GFRA2: variants seen among roughly 807,000 people sequenced by gnomAD.
GFRA2 encodes the protein GDNF family receptor alpha 2, also known as GDNF family receptor alpha-2.
In GFRA2, 17 loss-of-function variants were observed where a neutral mutation model predicts 48.3. The observed-to-expected ratio is 0.35, with a 90% CI of 0.24 to 0.53. The LOEUF (loss-of-function observed/expected upper bound fraction) is 0.53, where lower values mean the gene tolerates loss of function less well. Among genes scored for constraint, GFRA2 ranks in the 20% least tolerant of loss-of-function variants. GFRA2 has a pLI of 0.93. For synonymous variants in GFRA2, 305 were observed against 257.2 expected, an observed-to-expected ratio of 1.19 and a Z score of -1.78; for missense variants, 660 against 637.3, an observed-to-expected ratio of 1.04 and a Z score of -0.38.
At chr8:21,724,715 A>C (rs1362423842) in intron 4 of GFRA2, among the ~76,000 whole-genome samples, 1 of 152,180 alleles carries the variant, frequency 6.6e-6, no homozygotes, top group Non-Finnish European at 1.5e-5. Flanking sequence ...TAGAAACAAC[A>C]TAAAGGAGAC....
At chr8:21,749,454 T>C (rs1805168505) in intron 4 of GFRA2, among the ~76,000 whole-genome samples, 1 of 151,446 alleles carries the variant, frequency 6.6e-6, no homozygotes, top group South Asian at 2.1e-4. Context: ...AGCTAATGAG[T>C]GGTAAAGACA....
intron 3 of GFRA2, among the ~76,000 whole-genome samples, chr8:21,764,421 G>A (rs776745870): frequency 1.3e-5 from 2 of 152,216 alleles, no homozygotes; most frequent in African/African-American, 2.4e-5. Context: ...TTGCCTTGGG[G>A]CTTAGGATTT....
At chr8:21,811,094 A>T (rs1019880179) in intron 1 of GFRA2, among the ~76,000 whole-genome samples, 1 of 152,120 alleles carries the variant, frequency 6.6e-6, no homozygotes, top group Non-Finnish European at 1.5e-5. Flanking sequence ...CCCAGGAGAG[A>T]AGGGGAGCAG....
At chr8:21,783,600 G>A (rs1490005924) in intron 1 of GFRA2, among the ~76,000 whole-genome samples, 7 of 151,936 alleles carry the variant, frequency 4.6e-5, no homozygotes, top group African/African-American at 1.2e-4. Context: ...CCGTCCAGGC[G>A]AGCCCAGGAA....
At chr8:21,726,580 C>T (rs1432356610) in intron 4 of GFRA2, among the ~76,000 whole-genome samples, 1 of 152,066 alleles carries the variant, frequency 6.6e-6, no homozygotes, top group Non-Finnish European at 1.5e-5. Context: ...TGGTGGCGCC[C>T]GGCATCCGTT....
intron 3 of GFRA2, among the ~76,000 whole-genome samples, chr8:21,754,756 G>A (rs7829604): frequency 0.29 from 44,667 of 151,876 alleles, 6,685 homozygotes; most frequent in Middle Eastern, 0.49. Flanking sequence ...TGATCCGCCC[G>A]CCTCGGCCTC....
chr8:21,690,551 A>T lies in GFRA2; in HGVS notation c.*2727T>A, dbSNP rs1332989847. ...ATAGGGAGACATTTGAGGGCAGAGT[A>T]AAGCTAGCTAGTATCCACTCCTCCT... is the stretch of plus-strand genomic sequence containing the variant. On this transcript the variant is annotated 3_prime_UTR_variant, in exon 9 of 9. Coordinates refer to ENST00000524240, the MANE Select transcript of GFRA2 (RefSeq NM_001495.5). The T allele has an allele frequency of 6.6e-6, 1 of 152,238 alleles. No individual in the cohort carries two copies. 9.4% of individuals were successfully genotyped at this position (152,238 alleles called of 1,614,324 possible). A position where few individuals can be genotyped will look rare whatever the true frequency, so the allele number is the denominator to read the frequency against.
At position 21,737,051 on chromosome 8, in the gene GFRA2, A is replaced by C. The variant is rs563317462; in HGVS notation, c.794+13537T>G. Reference sequence around the variant, plus strand: ...GGACCTAAAAGAGCCCCCTTCCCCAATACTCCTCTGATGCTGGCAAGGGGG... The same window carrying C: ...GGACCTAAAAGAGCCCCCTTCCCCACTACTCCTCTGATGCTGGCAAGGGGG... On this transcript the variant is annotated intron_variant, in intron 4 of 8. Transcript: ENST00000524240. Among the ~76,000 whole-genome samples, 20 of 152,104 alleles carry C rather than the reference A, an allele frequency of 1.3e-4. No homozygotes were observed. The East Asian group carries it at 3.5e-3, about 27-fold the overall frequency.
Position 21,705,070 on chromosome 8 carries a change from G to T in GFRA2, c.960C>A (p.Ser320=), listed in dbSNP as rs749727756. The change falls in exon 6 of 9, where the codon TCC becomes TCA. Residue 320 remains serine (S), a synonymous_variant. Transcript: ENST00000524240. ...VDSSPTGIVV[S]PWCSCRGSGN... ...CGCTGCCACGACAGCTGCACCAGGG[G>T]GACACCACGATGCCAGTGGGGCTGG... 6.2e-7 allele frequency: 1 copy of T among 1,611,020 alleles called. No individual in the cohort carries two copies. Among genetic ancestry groups the T allele is most frequent in the Non-Finnish European group, 8.5e-7 (1 of 1,179,012 alleles).
rs1345524919 is a variant in GFRA2, at chr8:21,726,689, T to A, written c.795-20648A>T. ...CCTGTCTTATAAGGACACTGGCCACTGGATTTAGGGCCCACCCTAATGTGG... is the reference window on the plus strand; with the variant it reads ...CCTGTCTTATAAGGACACTGGCCACAGGATTTAGGGCCCACCCTAATGTGG... On this transcript the variant is annotated intron_variant, in intron 4 of 8. Transcript: ENST00000524240. Among the ~76,000 whole-genome samples the A allele has an allele frequency of 2.0e-5, 3 of 152,110 alleles. 1 individual carries two copies. The highest frequency in any genetic ancestry group is 4.4e-5 in the Non-Finnish European group (3 of 68,032).
chr8:21,762,852 C>T (rs546777496), intron 3 of GFRA2, among the ~76,000 whole-genome samples: 6 of 152,134 alleles, frequency 3.9e-5, no homozygotes, highest in African/African-American at 1.4e-4. Flanking sequence ...TTACCATTCT[C>T]ATACAAAATT....
At chr8:21,745,468 G>A (rs962341041) in intron 4 of GFRA2, among the ~76,000 whole-genome samples, 16 of 152,340 alleles carry the variant, frequency 1.1e-4, no homozygotes, top group Admixed American at 2.0e-4. Flanking sequence ...CATCAAGGCC[G>A]GCTTCATTCA....
chr8:21,785,537 G>C (rs1467592283), intron 1 of GFRA2, among the ~76,000 whole-genome samples: 3 of 152,202 alleles, frequency 2.0e-5, no homozygotes, highest in African/African-American at 7.2e-5. Context: ...GATCCATCAA[G>C]ACACAGGGAG....
intron 4 of GFRA2, among the ~76,000 whole-genome samples, chr8:21,711,728 G>C (rs999621898): frequency 2.7e-5 from 4 of 147,454 alleles, no homozygotes; most frequent in African/African-American, 1.0e-4. Flanking sequence ...GTTTCTCGCA[G>C]AGGGGGATTT....
chr8:21,697,011 AG>A (rs2117325899), intron 7 of GFRA2, among the ~76,000 whole-genome samples: 1 of 34,694 alleles, frequency 2.9e-5, no homozygotes, highest in African/African-American at 1.2e-4. Context: ...GAGGGGACAG[AG>A]GGAGAGATGA....
At chr8:21,749,009 A>T (rs1585292158) in intron 4 of GFRA2, among the ~76,000 whole-genome samples, 1 of 152,130 alleles carries the variant, frequency 6.6e-6, no homozygotes, top group Admixed American at 6.5e-5. Context: ...GATATGGCAG[A>T]TGCCCCTCTC....
intron 4 of GFRA2, among the ~76,000 whole-genome samples, chr8:21,749,330 C>T (rs1287021269): frequency 3.3e-5 from 5 of 151,572 alleles, no homozygotes; most frequent in African/African-American, 7.3e-5. Flanking sequence ...TTTGGACCTA[C>T]GTTATGTCAT....
At chr8:21,713,236 T>A (rs866407244) in intron 4 of GFRA2, among the ~76,000 whole-genome samples, 1 of 152,148 alleles carries the variant, frequency 6.6e-6, no homozygotes, top group African/African-American at 2.4e-5. Flanking sequence ...CTTTTGCCCA[T>A]GCTGGAGTGC....
intron 8 of GFRA2, 113 bp downstream of exon 8, chr8:21,694,350 TG>T: frequency 9.8e-7 from 1 of 1,016,274 alleles, no homozygotes; most frequent in Non-Finnish European, 1.5e-6. Flanking sequence ...GAAGCTCAGC[TG>T]GCCCAGCCCA....
Sources: gnomAD v4.1 joint callset for allele counts (sites outside exome capture counted in the v4.1 genomes callset) on GRCh38, gnomAD v4.1.1 for gene constraint, MANE v1.5 for transcripts, NCBI Gene and HGNC (gene_info 2026-07-23, HGNC 2026-07-21) for gene names.